KAT2B: variants seen among roughly 807,000 people sequenced by gnomAD.
The protein encoded by KAT2B is histone acetyltransferase KAT2B.
A neutral mutation model predicts 105.9 loss-of-function variants in KAT2B; 36 were observed. That is an observed-to-expected ratio of 0.34 (90% CI 0.26 to 0.45). The LOEUF (loss-of-function observed/expected upper bound fraction) is 0.45. KAT2B is among the 20% of genes least tolerant of loss of function. KAT2B has a pLI of 1.00. For missense variants in KAT2B, 820 were observed against 1,021.6 expected (o/e 0.80, Z 2.69); for synonymous variants, 397 against 377.9 (o/e 1.05, Z -0.59).
intron 8 of KAT2B, among the ~76,000 whole-genome samples, chr3:20,120,751 TG>T (rs1212820041): frequency 1.3e-5 from 2 of 152,114 alleles, no homozygotes; most frequent in Non-Finnish European, 2.9e-5. Context: ...AGTTAGAGAA[TG>T]TTTTGAAGGT....
intron 13 of KAT2B, 69 bp from the exon 14 acceptor site, chr3:20,146,247 A>G (rs1281455620): frequency 2.4e-6 from 2 of 847,776 alleles, no homozygotes; most frequent in African/African-American, 1.7e-5. Flanking sequence ...ACATTTCATT[A>G]GGTTGACTGA....
chr3:20,062,807 A>G (rs928151582), intron 1 of KAT2B, among the ~76,000 whole-genome samples: 4 of 151,880 alleles, frequency 2.6e-5, no homozygotes, highest in African/African-American at 9.7e-5. Flanking sequence ...TCATGTGTTT[A>G]TTGACCATTT....
intron 11 of KAT2B, 86 bp downstream of exon 11, chr3:20,127,635 G>A (rs1699429449): frequency 2.3e-6 from 3 of 1,290,556 alleles, no homozygotes; most frequent in Non-Finnish European, 3.3e-6. Flanking sequence ...ATCTCTCTGT[G>A]CCATGTCCAG....
intron 1 of KAT2B, among the ~76,000 whole-genome samples, chr3:20,055,782 C>T (rs941933404): frequency 2.6e-5 from 4 of 152,166 alleles, no homozygotes; most frequent in African/African-American, 9.7e-5. Flanking sequence ...TTCCATCCCC[C>T]TAGAAAATTT....
At chr3:20,051,221 CA>C (rs1402570600) in intron 1 of KAT2B, among the ~76,000 whole-genome samples, 4 of 139,014 alleles carry the variant, frequency 2.9e-5, no homozygotes, top group East Asian at 4.3e-4. Flanking sequence ...AAAACCCAAA[CA>C]AAAAAAACAA....
At chr3:20,131,075 G>A (rs1325922349) in intron 11 of KAT2B, among the ~76,000 whole-genome samples, 1 of 148,096 alleles carries the variant, frequency 6.8e-6, no homozygotes, top group Non-Finnish European at 1.5e-5. Flanking sequence ...GAGTGCAATG[G>A]CGTGATCTCG....
intron 1 of KAT2B, among the ~76,000 whole-genome samples, chr3:20,060,092 C>T (rs1048407926): frequency 2.0e-5 from 3 of 152,126 alleles, no homozygotes; most frequent in Non-Finnish European, 2.9e-5. Flanking sequence ...AGTAATAATC[C>T]GTTATATGAC....
At position 20,138,062 on chromosome 3, in the gene KAT2B, T is replaced by C. The variant is rs868669715; in HGVS notation, c.1860+1010T>C. On this transcript the variant is annotated intron_variant, in intron 12 of 17. Transcript: ENST00000263754. ...TATTATTTTTAATAGTGATTTATAATTCCTAAACATTTTCATTTACTTTTC... is the reference window on the plus strand; with the variant it reads ...TATTATTTTTAATAGTGATTTATAACTCCTAAACATTTTCATTTACTTTTC... Among the ~76,000 whole-genome samples, 11 of 152,338 alleles carry C rather than the reference T, an allele frequency of 7.2e-5. No individual in the cohort carries two copies. The South Asian group carries it at 2.3e-3, about 32-fold the overall frequency.
intron 13 of KAT2B, among the ~76,000 whole-genome samples, chr3:20,143,885 G>T (rs1245858848): frequency 6.6e-6 from 1 of 152,126 alleles, no homozygotes; most frequent in Admixed American, 6.5e-5. Flanking sequence ...TTCCAAAAGA[G>T]GCAAGAGAGG....
intron 1 of KAT2B, among the ~76,000 whole-genome samples, chr3:20,062,153 TATATA>T (rs1428946457): frequency 1.2e-5 from 1 of 86,234 alleles, no homozygotes; most frequent in African/African-American, 4.9e-5. Context: ...TATATAAAAA[TATATA>T]ATATATAATA....
In KAT2B at chr3:20,122,724, G is replaced by A. The variant is rs771703439; in HGVS notation, c.1333G>A (p.Val445Ile). The change falls in exon 9 of 18, where the codon GTT (valine) becomes ATT (isoleucine). Residue 445 changes from valine (V) to isoleucine (I), a missense_variant. Physicochemically the swap from Val to Ile is conservative, Grantham distance 29 (BLOSUM62 3). Transcript: ENST00000263754. The part of the protein sequence containing the change: ...HVLEEAKKPR[V>I]MGDIPMELIN... ...TCTGGAGGAGGCCAAGAAACCCCGA[G>A]TTATGGGGGATATTCCGATGGAATT... 2.5e-6 allele frequency: 4 copies of A among 1,614,036 alleles called. No individual in the cohort carries two copies. Among genetic ancestry groups the A allele is most frequent in the African/African-American group, 1.3e-5 (1 of 75,036 alleles).
chr3:20,106,405 A>G (rs1699003692), intron 5 of KAT2B, among the ~76,000 whole-genome samples: 1 of 151,974 alleles, frequency 6.6e-6, no homozygotes, highest in Non-Finnish European at 1.5e-5. Context: ...TGCAATAATA[A>G]TATCAATCAA....
chr3:20,125,870 C>T (rs755350046), intron 9 of KAT2B, 35 bp from the exon 10 acceptor site: 9 of 1,538,568 alleles, frequency 5.8e-6, no homozygotes, highest in South Asian at 1.1e-5. Context: ...GAGAGAATAG[C>T]TCTGTGTAAT....
intron 2 of KAT2B, among the ~76,000 whole-genome samples, chr3:20,083,990 G>T (rs557352883): frequency 8.1e-4 from 123 of 152,264 alleles, no homozygotes; most frequent in African/African-American, 2.9e-3. Context: ...CTGGTGATGT[G>T]TATTTGTTGA....
intron 7 of KAT2B, among the ~76,000 whole-genome samples, chr3:20,118,647 G>A (rs13097157): frequency 0.11 from 16,243 of 147,350 alleles, 1,131 homozygotes; most frequent in Admixed American, 0.16. Flanking sequence ...AGCTTGAACC[G>A]GGGAGGCAGA....
intron 1 of KAT2B, among the ~76,000 whole-genome samples, chr3:20,042,453 A>G (rs1697736571): frequency 1.3e-5 from 2 of 152,200 alleles, no homozygotes; most frequent in Non-Finnish European, 2.9e-5. Context: ...GGTACAGGGC[A>G]TACTGCTTGG....
chr3:20,095,536 T>A lies in KAT2B; in HGVS notation c.576+128T>A. ...TTTGCCCTCAGAGTTTGCTGAACAA[T>A]ACGTTTCTTCATGACTGATTCTCTA... On this transcript the variant is annotated intron_variant, in intron 3 of 17. Transcript: ENST00000263754. 5.0e-6 allele frequency: 3 copies of A among 600,828 alleles called. 1 individual carries two copies. Among genetic ancestry groups the A allele is most frequent in the Non-Finnish European group, 2.9e-6 (1 of 345,594 alleles). 37.2% of individuals were successfully genotyped at this position (600,828 alleles called of 1,614,324 possible). A position where few individuals can be genotyped will look rare whatever the true frequency, so the allele number is the denominator to read the frequency against.
chr3:20,076,790 A>G (rs1698428412), intron 2 of KAT2B, among the ~76,000 whole-genome samples: 1 of 152,214 alleles, frequency 6.6e-6, no homozygotes, highest in Non-Finnish European at 1.5e-5. Flanking sequence ...TCTGTTAGGA[A>G]TTACGCAAGC....
At chr3:20,103,257 C>T (rs1284241034) in intron 5 of KAT2B, among the ~76,000 whole-genome samples, 1 of 151,980 alleles carries the variant, frequency 6.6e-6, no homozygotes, top group Non-Finnish European at 1.5e-5. Context: ...TTTTTAATCC[C>T]GTCTGTGAAC....
Sources: allele counts gnomAD v4.1 joint callset (sites outside exome capture counted in the v4.1 genomes callset), GRCh38; gene constraint gnomAD v4.1.1; transcripts MANE v1.5; gene names NCBI Gene and HGNC (gene_info 2026-07-23, HGNC 2026-07-21).